The following RHPN2 variants were observed in gnomAD, a reference collection of about 807,000 sequenced individuals.
RHPN2 encodes rhophilin Rho GTPase binding protein 2.
RHPN2 carries 40 observed loss-of-function variants against 79.0 expected under a neutral mutation model. The observed-to-expected ratio is 0.51, with a 90% confidence interval of 0.39 to 0.66. The LOEUF (loss-of-function observed/expected upper bound fraction) is 0.66, where lower values mean the gene tolerates loss of function less well. Among genes scored for constraint, RHPN2 ranks in the 30% least tolerant of loss-of-function variants. The pLI is 0.00. For missense variants in RHPN2, 686 were observed against 883.5 expected (o/e 0.78, Z 2.83); for synonymous variants, 285 against 363.5 (o/e 0.78, Z 2.46).
chr19:32,978,622 GT>G lies in RHPN2; in HGVS notation c.*1373del, dbSNP rs1388305564. ...TAAATGAATATGTTTATTTAAATATGTATACAAGCATGGCCCTAGGAGCAGC... is the reference window on the plus strand; with the variant it reads ...TAAATGAATATGTTTATTTAAATATGATACAAGCATGGCCCTAGGAGCAGC... On this transcript the variant is annotated 3_prime_UTR_variant, in exon 15 of 15. Transcript: ENST00000254260. 1 of 152,628 alleles carries G rather than the reference GT, an allele frequency of 6.6e-6. No homozygotes were observed. Among genetic ancestry groups the G allele is most frequent in the Non-Finnish European group, 1.5e-5 (1 of 68,036 alleles). The allele number at this position is 152,628 out of a possible 1,614,324, so 9.5% of individuals were successfully genotyped here. A position where few individuals can be genotyped will look rare whatever the true frequency, so the allele number is the denominator to read the frequency against.
rs906737929 is a variant in RHPN2 at position 33,064,835 on chromosome 19, C to T, written c.18G>A (p.Leu6=). 33 of 1,358,700 alleles carry T rather than the reference C, an allele frequency of 2.4e-5. No individual in the cohort carries two copies. The highest frequency in any genetic ancestry group is 2.8e-4 in the Middle Eastern group (1 of 3,556). The allele number at this position is 1,358,700 out of a possible 1,614,324, so 84.2% of individuals were successfully genotyped here. Residue 6 remains leucine (L), a synonymous_variant, in exon 1 of 15, where the codon TTG becomes TTA. Transcript: ENST00000254260. ...TCTCCAGCGGCTGGGGGGCCGCGGG[C>T]AACAGCGCGTCGGTCATGCTAGCGG... is the stretch of plus-strand genomic sequence containing the variant. MTDAL[L]PAAPQPLEKE...
At chr19:32,995,343 C>T (rs961552369) in intron 11 of RHPN2, among the ~76,000 whole-genome samples, 25 of 151,772 alleles carry the variant, frequency 1.6e-4, no homozygotes, top group Non-Finnish European at 3.1e-4. Context: ...TCCCAAAGTG[C>T]TGAGATTACA....
intron 14 of RHPN2, among the ~76,000 whole-genome samples, chr19:32,988,018 CAA>C (rs906718414): frequency 6.6e-6 from 1 of 151,404 alleles, no homozygotes; most frequent in Non-Finnish European, 1.5e-5. Flanking sequence ...CCATCTCTAC[CAA>C]AAAAAATTTA....
Position 32,980,259 on chromosome 19 carries a change from G to C in RHPN2, c.1801-3C>G, listed in dbSNP as rs1354132427. On this transcript the variant is annotated splice_region_variant and splice_polypyrimidine_tract_variant and intron_variant, in intron 14 of 14. Transcript: ENST00000254260. The stretch of plus-strand genomic sequence containing the variant: ...GAGTATGTGGCACTCTTATTATGCT[G>C]CACATAGAAAAGTAAGAAAAAGGGC... The C allele has an allele frequency of 1.2e-6, 2 of 1,613,834 alleles. No homozygotes were observed. Among genetic ancestry groups the C allele is most frequent in the South Asian group, 2.2e-5 (2 of 91,062 alleles).
intron 1 of RHPN2, among the ~76,000 whole-genome samples, chr19:33,054,513 T>C (rs1972216423): frequency 6.6e-6 from 1 of 152,140 alleles, no homozygotes; most frequent in Non-Finnish European, 1.5e-5. Flanking sequence ...TTTCTCTTGT[T>C]ACAATCAAAT....
At chr19:33,013,495 C>T (rs1457521851) in intron 4 of RHPN2, among the ~76,000 whole-genome samples, 1 of 152,022 alleles carries the variant, frequency 6.6e-6, no homozygotes. Context: ...GCAACACACG[C>T]CTATGTTTTT....
At chr19:33,005,437 A>AT (rs1971782541) in intron 7 of RHPN2, among the ~76,000 whole-genome samples, 1 of 145,272 alleles carries the variant, frequency 6.9e-6, no homozygotes, top group South Asian at 2.2e-4. Flanking sequence ...AAAAAAAAAA[A>AT]TCTCAATCCG....
In RHPN2 at chr19:32,995,938, C is replaced by T. The variant is rs1197808434; in HGVS notation, c.1420+88G>A. On this transcript the variant is annotated intron_variant, in intron 11 of 14. Coordinates refer to ENST00000254260, the MANE Select transcript of RHPN2 (RefSeq NM_033103.5). ...AGCTCTCCTTGTGCCAAGCACACAG[C>T]GAGGGCTCGCTCAACCCCCACAGGC... 7.0e-6 allele frequency: 9 copies of T among 1,279,832 alleles called. No homozygotes were observed. In the Admixed American group the frequency reaches 1.1e-4, roughly 15 times the overall value. 79.3% of individuals were successfully genotyped at this position (1,279,832 alleles called of 1,614,324 possible).
At chr19:33,050,709 G>A (rs771859609) in intron 1 of RHPN2, among the ~76,000 whole-genome samples, 6 of 151,810 alleles carry the variant, frequency 4.0e-5, no homozygotes, top group Non-Finnish European at 4.4e-5. Context: ...ACAGAGTTTC[G>A]CTCTTGTTGC....
At chr19:32,992,797 G>C (rs1971671344) in intron 12 of RHPN2, among the ~76,000 whole-genome samples, 1 of 138,836 alleles carries the variant, frequency 7.2e-6, no homozygotes, top group African/African-American at 2.7e-5. Flanking sequence ...GGTGAAAACA[G>C]AGTTAGACCC....
chr19:32,994,098 T>C lies in RHPN2; in HGVS notation c.1421-45A>G, dbSNP rs766826374. 7 of 1,386,244 alleles carry C rather than the reference T, an allele frequency of 5.0e-6. No individual in the cohort carries two copies. The Admixed American group carries it at 1.2e-4, about 23-fold the overall frequency. The allele number at this position is 1,386,244 out of a possible 1,614,324, so 85.9% of individuals were successfully genotyped here. On this transcript the variant is annotated intron_variant, in intron 11 of 14. Transcript: ENST00000254260. ...ATGGGAGGATAAACGTTTCTGTAAT[T>C]GAAAGTGATCCTAATAGTCCAGTGT...
chr19:33,020,360 C>T (rs1472546433), intron 4 of RHPN2, among the ~76,000 whole-genome samples: 1 of 147,894 alleles, frequency 6.8e-6, no homozygotes, highest in Admixed American at 6.8e-5. Flanking sequence ...CACAGTTTCA[C>T]TGCTGCCCAG....
chr19:33,053,371 G>A (rs1972205037), intron 1 of RHPN2, among the ~76,000 whole-genome samples: 1 of 150,770 alleles, frequency 6.6e-6, no homozygotes, highest in Non-Finnish European at 1.5e-5. Flanking sequence ...CCAGACCAAT[G>A]ATCTGCTTAT....
At chr19:33,037,438 T>C (rs1486832587) in intron 2 of RHPN2, among the ~76,000 whole-genome samples, 1 of 152,198 alleles carries the variant, frequency 6.6e-6, no homozygotes, top group Admixed American at 6.5e-5. Flanking sequence ...AGTAGCAACC[T>C]GCTCTGGTCC....
chr19:33,043,531 G>A (rs902970421), intron 2 of RHPN2, among the ~76,000 whole-genome samples: 2 of 152,196 alleles, frequency 1.3e-5, no homozygotes, highest in Admixed American at 6.6e-5. Flanking sequence ...TAGCCTGGGC[G>A]ACAGAGCAAG....
Position 32,978,886 on chromosome 19 carries a change from G to T in RHPN2, c.*1110C>A, listed in dbSNP as rs369811540. 6.6e-6 allele frequency: 1 copy of T among 152,172 alleles called. No homozygotes were observed. Among genetic ancestry groups the T allele is most frequent in the Non-Finnish European group, 1.5e-5 (1 of 68,016 alleles). The allele number at this position is 152,172 out of a possible 1,614,324, so 9.4% of individuals were successfully genotyped here. ...TAGTGGGACGGTTGTGGTGGCTCATGCCTGTAATCCCAGCACTTTGGGAGG... is the reference window on the plus strand; with the variant it reads ...TAGTGGGACGGTTGTGGTGGCTCATTCCTGTAATCCCAGCACTTTGGGAGG... On this transcript the variant is annotated 3_prime_UTR_variant, in exon 15 of 15. Transcript: ENST00000254260.
chr19:33,055,080 G>A (rs1237392937), intron 1 of RHPN2, among the ~76,000 whole-genome samples: 1 of 152,154 alleles, frequency 6.6e-6, no homozygotes, highest in African/African-American at 2.4e-5. Context: ...GCTTAGGGCT[G>A]GGTGCAGTGA....
At chr19:33,044,177 G>A in intron 2 of RHPN2, 72 bp downstream of exon 2, 1 of 1,186,760 alleles carries the variant, frequency 8.4e-7, no homozygotes, top group Non-Finnish European at 1.3e-6. Flanking sequence ...CTGAAACCAA[G>A]AGCCTGGCCT....
At position 33,001,951 on chromosome 19, in the gene RHPN2, T is replaced by C. The variant is rs192016710; in HGVS notation, c.1105+296A>G. On this transcript the variant is annotated intron_variant, in intron 9 of 14. Coordinates refer to ENST00000254260, the MANE Select transcript of RHPN2 (RefSeq NM_033103.5). ...AAATATTACCTTAAAATGTTACTTATCTTGATGCCAGCATTTTTGGCCTTC... is the reference window on the plus strand; with the variant it reads ...AAATATTACCTTAAAATGTTACTTACCTTGATGCCAGCATTTTTGGCCTTC... Among the ~76,000 whole-genome samples the C allele has an allele frequency of 9.2e-5, 14 of 152,302 alleles. No individual in the cohort carries two copies. The East Asian group carries it at 2.7e-3, about 29-fold the overall frequency.
Sources: allele counts gnomAD v4.1 joint callset (sites outside exome capture counted in the v4.1 genomes callset), GRCh38; gene constraint gnomAD v4.1.1; transcripts MANE v1.5; gene names NCBI Gene and HGNC (gene_info 2026-07-23, HGNC 2026-07-21).